Variants in FAAH2 observed in about 807,000 individuals in gnomAD.
FAAH2 encodes the protein fatty-acid amide hydrolase 2.
Under a neutral mutation model 36.9 loss-of-function variants are expected in FAAH2, and 60 were observed. The observed-to-expected ratio is 1.63, with a 90% CI of 1.32 to 2.02. The LOEUF is 2.02. Among genes scored for constraint, FAAH2 ranks in the 30% most tolerant of loss-of-function variants. FAAH2 has a pLI of 0.00. For missense variants in FAAH2, 689 were observed against 397.5 expected (o/e 1.73, Z -6.23); for synonymous variants, 214 against 143.8 (o/e 1.49, Z -3.49).
intron 7 of FAAH2, among the ~76,000 whole-genome samples, chrX:57,415,739 G>T (rs2055825705): frequency 4.5e-5 from 5 of 111,199 alleles, no homozygotes; most frequent in Admixed American, 3.8e-4. Context: ...TGTCTGTTAG[G>T]TTCACTTGGT....
intron 5 of FAAH2, among the ~76,000 whole-genome samples, chrX:57,370,903 A>G (rs1299445888): frequency 9.0e-6 from 1 of 111,307 alleles, no homozygotes; most frequent in Non-Finnish European, 1.9e-5. Flanking sequence ...ATTGTCTCCC[A>G]TGAAACCACT....
intron 7 of FAAH2, among the ~76,000 whole-genome samples, chrX:57,420,152 T>C (rs2055973434): frequency 8.9e-6 from 1 of 111,897 alleles, no homozygotes; most frequent in Non-Finnish European, 1.9e-5. Flanking sequence ...TCAGGTAGCA[T>C]GATGCCTCCA....
rs189798268 is a variant in FAAH2 at position 57,421,997 on chromosome X, C to G, written c.997-9921C>G. Reference sequence around the variant, plus strand: ...AATTATTGCAAGGAGCTGAAGAGTCCTGCTCCTGAGGTACGATATTGTATT... The same window carrying G: ...AATTATTGCAAGGAGCTGAAGAGTCGTGCTCCTGAGGTACGATATTGTATT... On this transcript the variant is annotated intron_variant, in intron 7 of 10. Coordinates refer to ENST00000374900, the MANE Select transcript of FAAH2 (RefSeq NM_174912.4). Among the ~76,000 whole-genome samples the G allele has an allele frequency of 8.1e-5, 9 of 111,770 alleles. No individual in the cohort carries two copies. The Admixed American group carries it at 8.6e-4, about 11-fold the overall frequency.
chrX:57,306,743 C>T (rs1385614735), intron 2 of FAAH2, among the ~76,000 whole-genome samples: 3 of 95,770 alleles, frequency 3.1e-5, no homozygotes, highest in Non-Finnish European at 6.2e-5. Flanking sequence ...TATATATACA[C>T]ACACACTATA....
the FAAH2 span, among the ~76,000 whole-genome samples, chrX:57,169,947 A>G: frequency 9.1e-6 from 1 of 109,938 alleles, no homozygotes; most frequent in South Asian, 4.0e-4. Flanking sequence ...TTCATGAACT[A>G]TGTGGCCTAT....
intron 8 of FAAH2, among the ~76,000 whole-genome samples, chrX:57,438,871 G>C (rs1166414555): frequency 9.3e-6 from 1 of 107,153 alleles, no homozygotes; most frequent in Non-Finnish European, 1.9e-5. Context: ...TTGTCCTTGC[G>C]ATAGTTTGCT....
chrX:57,421,273 G>A (rs951664008), intron 7 of FAAH2, among the ~76,000 whole-genome samples: 1 of 111,435 alleles, frequency 9.0e-6, no homozygotes, highest in African/African-American at 3.3e-5. Context: ...GTGATACCCC[G>A]TCTCTTCTAA....
chrX:57,237,380 C>T, the FAAH2 span, among the ~76,000 whole-genome samples: 1 of 110,779 alleles, frequency 9.0e-6, no homozygotes, highest in Non-Finnish European at 1.9e-5. Flanking sequence ...ATCATACTAA[C>T]AGAAATATGA....
intron 3 of FAAH2, among the ~76,000 whole-genome samples, chrX:57,318,451 C>G (rs1299844872): frequency 9.0e-6 from 1 of 111,333 alleles, no homozygotes; most frequent in Non-Finnish European, 1.9e-5. Flanking sequence ...GATAAATCCT[C>G]CCAAGTCTAA....
rs377329423 is a variant in FAAH2, at chrX:57,431,950, C to T, written c.1029C>T (p.Ala343=). 7.5e-6 allele frequency: 9 copies of T among 1,198,778 alleles called. No individual in the cohort carries two copies. The highest frequency in any genetic ancestry group is 1.8e-5 in the South Asian group (1 of 55,976). ...TTCACCTTGAAACTATTCTAGGAGC[C>T]TCAGTTCAACATGTTAAACTGAAGA... is the stretch of plus-strand genomic sequence containing the variant. The part of the protein sequence containing the change: ...VVVHLETILG[A]SVQHVKLKKM... Residue 343 remains alanine, a synonymous_variant, in exon 8 of 11, where the codon GCC becomes GCT. Coordinates refer to ENST00000374900, the MANE Select transcript of FAAH2 (RefSeq NM_174912.4).
the FAAH2 span, among the ~76,000 whole-genome samples, chrX:57,185,152 A>T: frequency 1.4e-4 from 15 of 110,975 alleles, no homozygotes; most frequent in South Asian, 4.3e-3. Context: ...TCACCATGTT[A>T]TGCTACCAAA....
In FAAH2 at chrX:57,308,176, G is replaced by T. The variant is rs762054830; in HGVS notation, c.276-2417G>T. On this transcript the variant is annotated intron_variant, in intron 2 of 10. Coordinates refer to ENST00000374900, the MANE Select transcript of FAAH2 (RefSeq NM_174912.4). ...ATATACCCAGTAATGTGATTGCTGGGTCAAATGGTAGTTTTGTTTTAAGTT... is the reference window on the plus strand; with the variant it reads ...ATATACCCAGTAATGTGATTGCTGGTTCAAATGGTAGTTTTGTTTTAAGTT... 4.5e-5 allele frequency among the ~76,000 whole-genome samples: 5 copies of T among 111,701 alleles called. No individual in the cohort carries two copies. In the South Asian group the frequency reaches 1.9e-3, roughly 42 times the overall value.
chrX:57,331,732 T>C lies in FAAH2; in HGVS notation c.547T>C (p.Tyr183His). The C allele has an allele frequency of 8.3e-7, 1 of 1,211,373 alleles. No individual in the cohort carries two copies. Among genetic ancestry groups the C allele is most frequent in the Non-Finnish European group, 1.1e-6 (1 of 895,404 alleles). The change falls in exon 4 of 11, where the codon TAT becomes CAT. Residue 183 changes from tyrosine to histidine, a missense_variant. Tyr to His is a moderately conservative substitution (Grantham distance 83). Transcript: ENST00000374900. ...ITNCSELCMW[Y>H]ESSNKIYGRS... is the part of the protein sequence containing the mutation. ...CAACTGTAGTGAGTTGTGTATGTGG[T>C]ATGAATCCAGTAACAAGATCTATGG...
Position 57,377,611 on chromosome X carries a change from A to G in FAAH2, c.743-1040A>G, listed in dbSNP as rs5960262. Among the ~76,000 whole-genome samples, 998 of 111,730 alleles carry G rather than the reference A, an allele frequency of 8.9e-3. 10 individuals are homozygous for G. The highest frequency in any genetic ancestry group is 0.031 in the African/African-American group (961 of 30,715). On this transcript the variant is annotated intron_variant, in intron 5 of 10. Transcript: ENST00000374900. ...TCCACCTTTGTTCTTTTTGCTTTGG[A>G]TTGTCTTGGCTAAATGGGCTCATTT...
At chrX:57,338,072 G>A (rs1008701469) in intron 4 of FAAH2, among the ~76,000 whole-genome samples, 13 of 111,968 alleles carry the variant, frequency 1.2e-4, no homozygotes, top group Admixed American at 2.8e-4. Flanking sequence ...TTTCATGAAC[G>A]TCCGTGTGAA....
intron 7 of FAAH2, among the ~76,000 whole-genome samples, chrX:57,419,470 G>T (rs951805846): frequency 8.9e-5 from 10 of 112,324 alleles, no homozygotes; most frequent in African/African-American, 3.2e-4. Flanking sequence ...GATGGCCAGT[G>T]ATGGTGAGCA....
intron 5 of FAAH2, among the ~76,000 whole-genome samples, chrX:57,350,236 C>T (rs755806163): frequency 4.5e-5 from 5 of 110,632 alleles, no homozygotes; most frequent in Non-Finnish European, 9.5e-5. Flanking sequence ...TTAGATTGGC[C>T]CTACAAGAAA....
chrX:57,137,976 C>G, the FAAH2 span, among the ~76,000 whole-genome samples: 2 of 111,499 alleles, frequency 1.8e-5, no homozygotes, highest in Non-Finnish European at 3.8e-5. Context: ...ATACACACCT[C>G]TATCCAATCA....
upstream of FAAH2, among the ~76,000 whole-genome samples, chrX:57,284,150 G>A (rs182620947): frequency 2.6e-4 from 29 of 112,058 alleles, no homozygotes; most frequent in Admixed American, 2.4e-3. Flanking sequence ...GAGAACTCAG[G>A]CAGGGCTGGG....
Sources: allele counts gnomAD v4.1 joint callset (sites outside exome capture counted in the v4.1 genomes callset), GRCh38; gene constraint gnomAD v4.1.1; transcripts MANE v1.5; gene names NCBI Gene and HGNC (gene_info 2026-07-23, HGNC 2026-07-21).